Variants in UBE4A observed in about 807,000 individuals in gnomAD.
UBE4A encodes ubiquitination factor E4A.
A neutral mutation model predicts 117.9 loss-of-function variants in UBE4A; 48 were observed. The ratio of observed to expected loss-of-function variants is 0.41; its 90% CI spans 0.32 to 0.52. The LOEUF is 0.52. Among genes scored for constraint, UBE4A ranks in the 20% least tolerant of loss-of-function variants. The pLI is 0.33. For synonymous variants in UBE4A, 407 were observed against 450.0 expected, an observed-to-expected ratio of 0.90 and a Z score of 1.21; for missense variants, 1,067 against 1,296.3, an observed-to-expected ratio of 0.82 and a Z score of 2.72.
At chr11:118,379,322 T>C in intron 10 of UBE4A, 124 bp from the exon 11 acceptor site, 1 of 1,094,986 alleles carries the variant, frequency 9.1e-7, no homozygotes, top group South Asian at 1.5e-5. Context: ...GAGTGCCTTC[T>C]GTGTCATTGC....
At chr11:118,386,193 T>C (rs1948755872) in intron 15 of UBE4A, among the ~76,000 whole-genome samples, 1 of 152,208 alleles carries the variant, frequency 6.6e-6, no homozygotes, top group South Asian at 2.1e-4. Context: ...TGCTATACTA[T>C]TTCTAGGGGA....
At chr11:118,366,814 A>G (rs1303276667) in intron 2 of UBE4A, among the ~76,000 whole-genome samples, 1 of 152,234 alleles carries the variant, frequency 6.6e-6, no homozygotes, top group African/African-American at 2.4e-5. Flanking sequence ...CGCGCCTGTA[A>G]TCCCAGCTCC....
chr11:118,377,862 G>A (rs992371203), intron 10 of UBE4A, among the ~76,000 whole-genome samples: 27 of 150,500 alleles, frequency 1.8e-4, no homozygotes, highest in Non-Finnish European at 2.7e-4. Context: ...GCAGTGAGCC[G>A]AGATTGCGCC....
chr11:118,369,384 G>A (rs777986480), intron 3 of UBE4A, 39 bp from the exon 4 acceptor site: 6 of 1,468,030 alleles, frequency 4.1e-6, no homozygotes, highest in Non-Finnish European at 5.7e-6. Flanking sequence ...TAAAACAGAA[G>A]CATTATCCTT....
intron 2 of UBE4A, 84 bp downstream of exon 2, chr11:118,365,285 C>T: frequency 7.0e-7 from 1 of 1,425,970 alleles, no homozygotes; most frequent in Non-Finnish European, 9.2e-7. Flanking sequence ...TCCTTAATTG[C>T]AATTGGAATT....
chr11:118,381,068 A>G (rs1273932115), intron 11 of UBE4A, among the ~76,000 whole-genome samples: 2 of 152,238 alleles, frequency 1.3e-5, no homozygotes, highest in East Asian at 3.9e-4. Flanking sequence ...CACCTAACAT[A>G]TTAATCTTTA....
intron 18 of UBE4A, among the ~76,000 whole-genome samples, chr11:118,391,171 A>G (rs1555128373): frequency 6.6e-6 from 1 of 152,204 alleles, no homozygotes; most frequent in African/African-American, 2.4e-5. Flanking sequence ...TATTCTTGTC[A>G]ACATGAGAGT....
Position 118,375,099 on chromosome 11 carries a change from T to A in UBE4A, c.1320T>A (p.Ala440=), listed in dbSNP as rs782583742. 3 of 1,614,136 alleles carry A rather than the reference T, an allele frequency of 1.9e-6. No individual in the cohort carries two copies. The highest frequency in any genetic ancestry group is 2.5e-6 in the Non-Finnish European group (3 of 1,180,052). The change falls in exon 9 of 20, where the codon GCT becomes GCA. Residue 440 remains alanine (A), a synonymous_variant. Coordinates refer to ENST00000252108, the MANE Select transcript of UBE4A (RefSeq NM_001204077.2). The part of the protein sequence containing the change: ...ASDAFFLNLG[A]ALLKLCQPFC... ...ATGCTTTCTTTCTGAATCTGGGTGC[T>A]GCTCTCCTGAAGCTATGCCAGCCAT...
In UBE4A at chr11:118,396,551, T is replaced by A; in HGVS notation, c.*111T>A. On this transcript the variant is annotated 3_prime_UTR_variant, in exon 20 of 20. Transcript: ENST00000252108. Reference sequence around the variant, plus strand: ...TTTCTTTCTTCTTTTCTTTTTCTTTTTTTTTTTTTTTTTTACTAAATTAGA... The same window carrying A: ...TTTCTTTCTTCTTTTCTTTTTCTTTATTTTTTTTTTTTTTACTAAATTAGA... 8.4e-7 allele frequency: 1 copy of A among 1,184,336 alleles called. No homozygotes were observed. Among genetic ancestry groups the A allele is most frequent in the Non-Finnish European group, 1.1e-6 (1 of 891,516 alleles). 73.4% of individuals were successfully genotyped at this position (1,184,336 alleles called of 1,614,324 possible). A position where few individuals can be genotyped will look rare whatever the true frequency, so the allele number is the denominator to read the frequency against.
At chr11:118,365,325 T>G in intron 2 of UBE4A, 124 bp downstream of exon 2, 2 of 1,374,390 alleles carry the variant, frequency 1.5e-6, no homozygotes, top group East Asian at 2.6e-5. Flanking sequence ...GGTTTTTGTT[T>G]GTTTGTTGAG....
chr11:118,361,769 A>G (rs1948522824), intron 1 of UBE4A, among the ~76,000 whole-genome samples: 1 of 152,184 alleles, frequency 6.6e-6, no homozygotes, highest in South Asian at 2.1e-4. Context: ...TAAAGCCCTT[A>G]CCTTGAAGTA....
At chr11:118,384,520 G>T in intron 13 of UBE4A, 115 bp from the exon 14 acceptor site, 1 of 890,296 alleles carries the variant, frequency 1.1e-6, no homozygotes, top group East Asian at 2.6e-5. Flanking sequence ...GATTTTGTTA[G>T]TAGCCTTAAC....
chr11:118,380,136 T>TGTGTGTGTGTGTGC (rs2134099142), intron 11 of UBE4A, among the ~76,000 whole-genome samples: 1 of 24,332 alleles, frequency 4.1e-5, no homozygotes, highest in South Asian at 4.6e-3. Context: ...TGTGTGTGCG[T>TGTGTGTGTGTGTGC]GTGTGTGTGT....
At chr11:118,385,699 AG>A (rs1396622932) in intron 15 of UBE4A, among the ~76,000 whole-genome samples, 1 of 152,220 alleles carries the variant, frequency 6.6e-6, no homozygotes, top group East Asian at 1.9e-4. Context: ...GTAAATCCTG[AG>A]GGTAGCCTTT....
rs1948890215 is a variant in UBE4A, at chr11:118,397,921, T to TTC, written c.*1481_*1482insTC. 1 of 152,332 alleles carries TTC rather than the reference T, an allele frequency of 6.6e-6. No homozygotes were observed. Among genetic ancestry groups the TTC allele is most frequent in the African/African-American group, 2.4e-5 (1 of 41,452 alleles). 9.4% of individuals were successfully genotyped at this position (152,332 alleles called of 1,614,324 possible). On this transcript the variant is annotated 3_prime_UTR_variant, in exon 20 of 20. Transcript: ENST00000252108. ...ATATAAAATAGGTGTTGCCTATTGC[T>TTC]GTGCTTATAAAATGAAAAAGGAAAT...
chr11:118,361,956 A>G (rs750831909), intron 1 of UBE4A, among the ~76,000 whole-genome samples: 2 of 152,258 alleles, frequency 1.3e-5, no homozygotes, highest in African/African-American at 2.4e-5. Flanking sequence ...CTAGCAATGT[A>G]GAAGATCTGC....
chr11:118,381,619 G>T, intron 12 of UBE4A, 96 bp downstream of exon 12: 1 of 1,498,996 alleles, frequency 6.7e-7, no homozygotes, highest in Non-Finnish European at 9.0e-7. Flanking sequence ...ATCATAAGGG[G>T]TTGCCTTCAG....
In UBE4A at chr11:118,397,405, T is replaced by A. The variant is rs547125242; in HGVS notation, c.*965T>A. 1 of 152,344 alleles carries A rather than the reference T, an allele frequency of 6.6e-6. No homozygotes were observed. Among genetic ancestry groups the A allele is most frequent in the South Asian group, 2.1e-4 (1 of 4,832 alleles). 9.4% of individuals were successfully genotyped at this position (152,344 alleles called of 1,614,324 possible). A position where few individuals can be genotyped will look rare whatever the true frequency, so the allele number is the denominator to read the frequency against. ...CCATGTTTACTAACATACTCATTCT[T>A]CACAAAATTCTGAGATTATAAAATG... On this transcript the variant is annotated 3_prime_UTR_variant, in exon 20 of 20. Coordinates refer to ENST00000252108, the MANE Select transcript of UBE4A (RefSeq NM_001204077.2).
chr11:118,362,357 C>T (rs1948527040), intron 1 of UBE4A, among the ~76,000 whole-genome samples: 1 of 152,098 alleles, frequency 6.6e-6, no homozygotes, highest in African/African-American at 2.4e-5. Context: ...AACTCCTGAC[C>T]TCATGATCTG....
Sources: allele counts gnomAD v4.1 joint callset (sites outside exome capture counted in the v4.1 genomes callset), GRCh38; gene constraint gnomAD v4.1.1; transcripts MANE v1.5; gene names NCBI Gene and HGNC (gene_info 2026-07-23, HGNC 2026-07-21).